The following AGMAT variants were observed in gnomAD, a reference collection of about 807,000 sequenced individuals.
AGMAT encodes guanidino acid hydrolase, mitochondrial.
In AGMAT, 37 loss-of-function variants were observed where a neutral mutation model predicts 29.3. That is an observed-to-expected ratio of 1.26 (90% CI 0.97 to 1.66). The LOEUF (loss-of-function observed/expected upper bound fraction) is 1.66. Among genes scored for constraint, AGMAT ranks in the 40% most tolerant of loss-of-function variants. The pLI is 0.00. For synonymous variants in AGMAT, 199 were observed against 200.8 expected, an observed-to-expected ratio of 0.99 and a Z score of 0.08; for missense variants, 498 against 497.8, an observed-to-expected ratio of 1.00 and a Z score of 0.00.
intron 1 of AGMAT, among the ~76,000 whole-genome samples, chr1:15,584,328 C>G (rs1639155043): frequency 6.8e-6 from 1 of 146,254 alleles, no homozygotes; most frequent in Non-Finnish European, 1.5e-5. Flanking sequence ...TTTTTTTGTA[C>G]CTTTGTAGAG....
At chr1:15,574,429 G>A (rs553858571) in intron 6 of AGMAT, among the ~76,000 whole-genome samples, 3 of 150,324 alleles carry the variant, frequency 2.0e-5, no homozygotes, top group African/African-American at 4.9e-5. Flanking sequence ...CCAGGCTGGA[G>A]TGCAGTGGCG....
Position 15,571,966 on chromosome 1 carries a change from G to A in AGMAT, c.*1685C>T, listed in dbSNP as rs1408002311. On this transcript the variant is annotated 3_prime_UTR_variant, in exon 7 of 7. Transcript: ENST00000375826. ...CAGCTGCCAGCCTGGCCAACATGGT[G>A]AAACCCCGTCTCTACTAAAAATACA... Among the ~76,000 whole-genome samples, 4 of 151,846 alleles carry A rather than the reference G, an allele frequency of 2.6e-5. No individual in the cohort carries two copies. The highest frequency in any genetic ancestry group is 6.6e-5 in the Admixed American group (1 of 15,236).
Position 15,577,792 on chromosome 1 carries a change from G to A in AGMAT, c.793C>T (p.Gln265Ter), listed in dbSNP as rs1375396624. ...LVPLMGEVRQ[Q>*]MGGKPIYISF... ...ATATAAATGGGTTTGCCTCCCATCTGCTGCCTGACTTCCCCCATCAGAGGA... is the reference window on the plus strand; with the variant it reads ...ATATAAATGGGTTTGCCTCCCATCTACTGCCTGACTTCCCCCATCAGAGGA... The change falls in exon 5 of 7, where the codon CAG becomes TAG. Residue 265 changes from glutamine (Q) to a stop codon, truncating the protein, a stop_gained. Coordinates refer to ENST00000375826, the MANE Select transcript of AGMAT (RefSeq NM_024758.5). LOFTEE classifies it high-confidence loss of function. The A allele has an allele frequency of 6.2e-7, 1 of 1,614,172 alleles. No individual in the cohort carries two copies. Among genetic ancestry groups the A allele is most frequent in the Admixed American group, 1.7e-5 (1 of 60,012 alleles).
chr1:15,572,138 C>A lies in AGMAT; in HGVS notation c.*1513G>T, dbSNP rs1335764801. 3.8e-5 allele frequency among the ~76,000 whole-genome samples: 5 copies of A among 133,236 alleles called. No homozygotes were observed. Among genetic ancestry groups the A allele is most frequent in the Non-Finnish European group, 6.3e-5 (4 of 63,760 alleles). The allele number at this position is 133,236 out of a possible 152,430, so 87.4% of individuals were successfully genotyped here. On this transcript the variant is annotated 3_prime_UTR_variant, in exon 7 of 7. Coordinates refer to ENST00000375826, the MANE Select transcript of AGMAT (RefSeq NM_024758.5). Reference sequence around the variant, plus strand: ...CCAGCCTGGGGGACAGAGCGAGACTCCATCTCAGAAAAAAAAAAAAAAAAA... The same window carrying A: ...CCAGCCTGGGGGACAGAGCGAGACTACATCTCAGAAAAAAAAAAAAAAAAA...
intron 5 of AGMAT, chr1:15,575,728 C>CG (rs1639028365): frequency 7.5e-6 from 1 of 133,302 alleles, no homozygotes; most frequent in Non-Finnish European, 1.7e-5. Flanking sequence ...ATCACATGCA[C>CG]TTTTATTTAT....
chr1:15,574,803 C>T lies in AGMAT; in HGVS notation c.939G>A (p.Val313=). 1 of 1,614,074 alleles carries T rather than the reference C, an allele frequency of 6.2e-7. No individual in the cohort carries two copies. Among genetic ancestry groups the T allele is most frequent in the Non-Finnish European group, 8.5e-7 (1 of 1,179,942 alleles). ...EIIRGCQGLN[V]MGCDLVEVSP... ...AAACTTCGACAAGATCACAGCCCAT[C>T]ACGTTCAGGCCTTGACAACCCCTGA... Residue 313 remains valine, a synonymous_variant, in exon 6 of 7, where the codon GTG becomes GTA. Transcript: ENST00000375826.
chr1:15,574,858 C>T lies in AGMAT; in HGVS notation c.901-17G>A. 2 of 1,603,058 alleles carry T rather than the reference C, an allele frequency of 1.2e-6. No individual in the cohort carries two copies. The highest frequency in any genetic ancestry group is 1.1e-5 in the South Asian group (1 of 90,848). On this transcript the variant is annotated splice_polypyrimidine_tract_variant and intron_variant, in intron 5 of 6. Coordinates refer to ENST00000375826, the MANE Select transcript of AGMAT (RefSeq NM_024758.5). ...CTCCAGAGCCTATTCAAGATCAAGA[C>T]TGAGTTGTCCACAGTGGTAATCATT... is the stretch of plus-strand genomic sequence containing the variant.
At position 15,584,902 on chromosome 1, in the gene AGMAT, G is replaced by A. The variant is rs1358976253; in HGVS notation, c.66C>T (p.Ala22=). Reference sequence around the variant, plus strand: ...GGCGCCCCGGATGAAAGAGCCCTGCGGCAGGACGCGCGCCCACGCCGGGCC... The same window carrying A: ...GGCGCCCCGGATGAAAGAGCCCTGCAGCAGGACGCGCGCCCACGCCGGGCC... ...GPGPGVGARP[A]AGLFHPGRRQ... The change falls in exon 1 of 7, where the codon GCC becomes GCT. Residue 22 remains alanine (A), a synonymous_variant. Transcript: ENST00000375826. The A allele has an allele frequency of 2.9e-6, 4 of 1,393,128 alleles. No homozygotes were observed. The highest frequency in any genetic ancestry group is 3.2e-5 in the South Asian group (2 of 62,204). The allele number at this position is 1,393,128 out of a possible 1,614,324, so 86.3% of individuals were successfully genotyped here.
chr1:15,576,329 C>T (rs1639036316), intron 5 of AGMAT, among the ~76,000 whole-genome samples: 2 of 151,724 alleles, frequency 1.3e-5, no homozygotes, highest in African/African-American at 4.8e-5. Context: ...AACTCCCTAC[C>T]TCAGGTGAAC....
rs571947159 is a variant in AGMAT, at chr1:15,580,106, G to A, written c.512C>T (p.Ala171Val). The change falls in exon 3 of 7, where the codon GCG becomes GTG. Residue 171 changes from alanine (A) to valine (V), a missense_variant. By Grantham distance (64) the Ala-to-Val change is moderately conservative (BLOSUM62 0). Coordinates refer to ENST00000375826, the MANE Select transcript of AGMAT (RefSeq NM_024758.5). ...ATTTGAGACTTACTTTTTTGCCATC[G>A]CTTGCAATATGGGATATGTGATTGT... ...DHTITYPILQAMAKKHGPVGL... is the reference protein window; with the variant it reads ...DHTITYPILQVMAKKHGPVGL... The A allele has an allele frequency of 4.2e-5, 68 of 1,613,514 alleles. No individual in the cohort carries two copies. The highest frequency in any genetic ancestry group is 1.7e-4 in the Middle Eastern group (1 of 6,060).
At chr1:15,581,757 C>T (rs1255759903) in intron 2 of AGMAT, among the ~76,000 whole-genome samples, 8 of 151,946 alleles carry the variant, frequency 5.3e-5, no homozygotes, top group Admixed American at 2.6e-4. Flanking sequence ...CGCCTGTAAT[C>T]CCAGCTATTC....
At chr1:15,575,160 C>T in intron 5 of AGMAT, 1 of 203,950 alleles carries the variant, frequency 4.9e-6, no homozygotes, top group South Asian at 8.4e-5. Flanking sequence ...GTGGGTAAGG[C>T]TTCCCCAAGG....
At chr1:15,578,831 C>A in intron 4 of AGMAT, 28 bp downstream of exon 4, 4 of 1,607,794 alleles carry the variant, frequency 2.5e-6, no homozygotes, top group Non-Finnish European at 3.4e-6. Context: ...TTTTGAGGGG[C>A]AAGGGTGGGG....
At chr1:15,584,309 T>C (rs1051566114) in intron 1 of AGMAT, among the ~76,000 whole-genome samples, 1 of 86,322 alleles carries the variant, frequency 1.2e-5, no homozygotes, top group African/African-American at 7.2e-5. Flanking sequence ...TGCCCGGCTT[T>C]TTTTTTCTTT....
rs772601696 is a variant in AGMAT, at chr1:15,584,831, C to T, written c.137G>A (p.Ser46Asn). 2 of 1,430,128 alleles carry T rather than the reference C, an allele frequency of 1.4e-6. No individual in the cohort carries two copies. Among genetic ancestry groups the T allele is most frequent in the Admixed American group, 3.1e-5 (1 of 32,734 alleles). The allele number at this position is 1,430,128 out of a possible 1,614,324, so 88.6% of individuals were successfully genotyped here. Residue 46 changes from serine (S) to asparagine (N), a missense_variant, in exon 1 of 7, where the codon AGC (serine) becomes AAC (asparagine). Transcript: ENST00000375826. ...CACCGGCCGGGCCACGAACTCGGGG[C>T]TGGGGGGCTGGTTCCGGGGCGCGTC... is the stretch of plus-strand genomic sequence containing the variant. ...ASDAPRNQPP[S>N]PEFVARPVGV...
rs1638975546 is a variant in AGMAT at position 15,572,772 on chromosome 1, G to T, written c.*879C>A. The T allele has an allele frequency of 6.6e-6, 1 of 151,294 alleles. No individual in the cohort carries two copies. Among genetic ancestry groups the T allele is most frequent in the African/African-American group, 2.4e-5 (1 of 41,154 alleles). The allele number at this position is 151,294 out of a possible 1,614,324, so 9.4% of individuals were successfully genotyped here. On this transcript the variant is annotated 3_prime_UTR_variant, in exon 7 of 7. Transcript: ENST00000375826. ...ATACTTTTTACTTACGTTCACAGTG[G>T]TCCTAAAACCAAGATGCAGCCCTAA...
In AGMAT at chr1:15,584,833, G is replaced by A. The variant is rs943207500; in HGVS notation, c.135C>T (p.Pro45=). 2.1e-6 allele frequency: 3 copies of A among 1,430,664 alleles called. No homozygotes were observed. Among genetic ancestry groups the A allele is most frequent in the Admixed American group, 6.1e-5 (2 of 32,818 alleles). The allele number at this position is 1,430,664 out of a possible 1,614,324, so 88.6% of individuals were successfully genotyped here. The change falls in exon 1 of 7, where the codon CCC becomes CCT. Residue 45 remains proline (P), a synonymous_variant. Transcript: ENST00000375826. ...CCGGCCGGGCCACGAACTCGGGGCT[G>A]GGGGGCTGGTTCCGGGGCGCGTCGG... The part of the protein sequence containing the change: ...QASDAPRNQP[P]SPEFVARPVG...
chr1:15,578,954 C>A lies in AGMAT; in HGVS notation c.625G>T (p.Val209Leu). ...LYHGAPFRRC[V>L]DEGLLDCKRV... is the part of the protein sequence containing the mutation. ...TTACAGTCCAGGAGACCCTCATCCA[C>A]ACACCGGCGGAAGGGCGCCCCGTGG... Residue 209 changes from valine to leucine, a missense_variant, in exon 4 of 7, where the codon GTG becomes TTG. Coordinates refer to ENST00000375826, the MANE Select transcript of AGMAT (RefSeq NM_024758.5). 8 of 1,614,200 alleles carry A rather than the reference C, an allele frequency of 5.0e-6. No homozygotes were observed. Among genetic ancestry groups the A allele is most frequent in the Non-Finnish European group, 6.8e-6 (8 of 1,180,032 alleles).
intron 2 of AGMAT, 62 bp downstream of exon 2, chr1:15,583,131 A>G: frequency 3.4e-6 from 1 of 297,536 alleles, no homozygotes; most frequent in Non-Finnish European, 4.6e-6. Context: ...CAAGCCCCTG[A>G]GTACAGGATA....
Sources: gnomAD v4.1 joint callset for allele counts (sites outside exome capture counted in the v4.1 genomes callset) on GRCh38, gnomAD v4.1.1 for gene constraint, MANE v1.5 for transcripts, NCBI Gene and HGNC (gene_info 2026-07-23, HGNC 2026-07-21) for gene names.